ZFP1: variants seen among roughly 807,000 people sequenced by gnomAD.
The protein encoded by ZFP1 is ZFP1 zinc finger protein.
ZFP1 carries 32 observed loss-of-function variants against 38.5 expected under a neutral mutation model. The ratio of observed to expected loss-of-function variants is 0.83; its 90% CI spans 0.63 to 1.12. ZFP1 has a LOEUF of 1.12. Ranked by LOEUF, ZFP1 falls within the 50% of genes most tolerant of loss-of-function variation. The pLI is 0.00. For missense variants in ZFP1, 616 were observed against 480.8 expected, an observed-to-expected ratio of 1.28 and a Z score of -2.63; for synonymous variants, 245 against 168.8, an observed-to-expected ratio of 1.45 and a Z score of -3.50.
upstream of ZFP1, among the ~76,000 whole-genome samples, chr16:75,147,892 T>C (rs1008726069): frequency 6.6e-6 from 1 of 152,210 alleles, no homozygotes. Context: ...TGAAATTTGC[T>C]AAGAAGATAG....
the ZFP1 span, among the ~76,000 whole-genome samples, chr16:75,123,999 G>C: frequency 0.36 from 53,911 of 150,802 alleles, 10,938 homozygotes; most frequent in Middle Eastern, 0.51. Context: ...GAGGCAGAGG[G>C]AGGAGAATCA....
chr16:75,171,139 T>G lies in ZFP1; in HGVS notation c.*805T>G, dbSNP rs940592890. 6.6e-6 allele frequency: 1 copy of G among 152,166 alleles called. No homozygotes were observed. The highest frequency in any genetic ancestry group is 2.4e-5 in the African/African-American group (1 of 41,472). The allele number at this position is 152,166 out of a possible 1,614,324, so 9.4% of individuals were successfully genotyped here. A position where few individuals can be genotyped will look rare whatever the true frequency, so the allele number is the denominator to read the frequency against. Reference sequence around the variant, plus strand: ...GACAATATCCCCATTCGTCATGCTCTTATTTTCCCGTGGGATATTTGCATA... The same window carrying G: ...GACAATATCCCCATTCGTCATGCTCGTATTTTCCCGTGGGATATTTGCATA... On this transcript the variant is annotated 3_prime_UTR_variant, in exon 4 of 4. Transcript: ENST00000570010.
chr16:75,129,063 T>A, the ZFP1 span, among the ~76,000 whole-genome samples: 2 of 152,206 alleles, frequency 1.3e-5, no homozygotes, highest in Admixed American at 1.3e-4. Context: ...GTGCTGGGAT[T>A]ACAGATGTGA....
chr16:75,121,336 A>G, the ZFP1 span, among the ~76,000 whole-genome samples: 4 of 151,964 alleles, frequency 2.6e-5, no homozygotes, highest in African/African-American at 7.2e-5. Context: ...CGTGTTAGCC[A>G]GGATGGTTTC....
At position 75,169,568 on chromosome 16, in the gene ZFP1, T is replaced by G. The variant is rs1358134511; in HGVS notation, c.458T>G (p.Val153Gly). 6.2e-7 allele frequency: 1 copy of G among 1,607,192 alleles called. No homozygotes were observed. The highest frequency in any genetic ancestry group is 8.5e-7 in the Non-Finnish European group (1 of 1,178,478). Residue 153 changes from valine (V) to glycine (G), a missense_variant, in exon 4 of 4, where the codon GTA (valine) becomes GGA (glycine). Coordinates refer to ENST00000570010, the MANE Select transcript of ZFP1 (RefSeq NM_153688.4). ...AAGCAAGAGAAAACCCACAGTGGAG[T>G]AGAATATTCTGAATACAATAAAAGT... The part of the protein sequence containing the change: ...YLKQEKTHSG[V>G]EYSEYNKSGK...
At position 75,170,318 on chromosome 16, in the gene ZFP1, T is replaced by C. The variant is rs1176378853; in HGVS notation, c.1208T>C (p.Ile403Thr). The C allele has an allele frequency of 5.1e-6, 8 of 1,581,784 alleles. No homozygotes were observed. In the South Asian group the frequency reaches 9.3e-5, roughly 18 times the overall value. ...SRLSVHQRVH[I>T]GEKP ...CTCAGTGTCCATCAGAGAGTTCACA[T>C]CGGGGAGAAACCCTGAAACTCCAGC... The change falls in exon 4 of 4, where the codon ATC (isoleucine) becomes ACC (threonine). Residue 403 changes from isoleucine to threonine, a missense_variant. Transcript: ENST00000570010.
the ZFP1 span, among the ~76,000 whole-genome samples, chr16:75,136,180 G>A: frequency 6.6e-6 from 1 of 152,166 alleles, no homozygotes; most frequent in Non-Finnish European, 1.5e-5. Flanking sequence ...GCAGATGGTG[G>A]CAAGAGAATC....
chr16:75,126,468 A>G, the ZFP1 span, among the ~76,000 whole-genome samples: 47,491 of 152,040 alleles, frequency 0.31, 7,581 homozygotes, highest in Non-Finnish European at 0.34. Context: ...CAATTGTGCA[A>G]TCTTGGCTTA....
chr16:75,124,981 G>A, the ZFP1 span, among the ~76,000 whole-genome samples: 100 of 151,950 alleles, frequency 6.6e-4, no homozygotes, highest in African/African-American at 2.4e-3. Context: ...AGAGGAATGG[G>A]CTGGGCTCAC....
chr16:75,166,955 C>G (rs963919121), intron 3 of ZFP1, 59 bp downstream of exon 3: 14 of 1,563,250 alleles, frequency 9.0e-6, no homozygotes, highest in Non-Finnish European at 1.1e-5. Context: ...TGTCCTGTCT[C>G]AGTGACCAGA....
At chr16:75,129,100 G>A in the ZFP1 span, among the ~76,000 whole-genome samples, 1 of 152,266 alleles carries the variant, frequency 6.6e-6, no homozygotes, top group Non-Finnish European at 1.5e-5. Context: ...AGCCACTTTC[G>A]TATCTGTCTA....
At chr16:75,144,584 A>G (rs2036923650), upstream of ZFP1, among the ~76,000 whole-genome samples, 1 of 152,204 alleles carries the variant, frequency 6.6e-6, no homozygotes, top group Non-Finnish European at 1.5e-5. Context: ...AGATCTTCAG[A>G]AAAATTTGAT....
At chr16:75,133,957 G>C in the ZFP1 span, among the ~76,000 whole-genome samples, 1 of 152,220 alleles carries the variant, frequency 6.6e-6, no homozygotes, top group African/African-American at 2.4e-5. Context: ...GCTGAGGCAG[G>C]AGAATCTCTT....
chr16:75,163,341 G>A (rs1446469598), intron 2 of ZFP1, among the ~76,000 whole-genome samples: 1 of 151,842 alleles, frequency 6.6e-6, no homozygotes, highest in African/African-American at 2.4e-5. Context: ...TTCTTGCTCT[G>A]TTGCCCAGGC....
the ZFP1 span, among the ~76,000 whole-genome samples, chr16:75,130,962 A>T: frequency 1.3e-5 from 2 of 151,836 alleles, no homozygotes; most frequent in African/African-American, 2.4e-5. Context: ...TGACCTCCCC[A>T]CAGATCTGGC....
chr16:75,151,703 TTAGA>T (rs1729547770), intron 1 of ZFP1, among the ~76,000 whole-genome samples: 1 of 152,224 alleles, frequency 6.6e-6, no homozygotes, highest in African/African-American at 2.4e-5. Flanking sequence ...TATTTTTGCT[TTAGA>T]TAATCTTTCA....
intron 2 of ZFP1, among the ~76,000 whole-genome samples, chr16:75,158,813 G>A (rs1306356189): frequency 6.6e-6 from 1 of 150,642 alleles, no homozygotes; most frequent in Non-Finnish European, 1.5e-5. Context: ...TTTACAGTTC[G>A]TCTGAAGTGT....
chr16:75,135,561 G>A, the ZFP1 span, among the ~76,000 whole-genome samples: 1 of 152,132 alleles, frequency 6.6e-6, no homozygotes, highest in Admixed American at 6.5e-5. Context: ...AAGCCCAGGA[G>A]TTCAAAGCTG....
chr16:75,162,490 C>T (rs573115236), intron 2 of ZFP1, among the ~76,000 whole-genome samples: 63 of 152,216 alleles, frequency 4.1e-4, no homozygotes, highest in African/African-American at 1.5e-3. Flanking sequence ...TTGACGTTTC[C>T]ATGTATTGTG....
Sources: allele counts gnomAD v4.1 joint callset (sites outside exome capture counted in the v4.1 genomes callset), GRCh38; gene constraint gnomAD v4.1.1; transcripts MANE v1.5; gene names NCBI Gene and HGNC (gene_info 2026-07-23, HGNC 2026-07-21).